PCDHGA11: variants seen among roughly 807,000 people sequenced by gnomAD.
PCDHGA11 encodes the protein protocadherin gamma-A11.
Under a neutral mutation model 60.4 loss-of-function variants are expected in PCDHGA11, and 39 were observed. The observed-to-expected ratio is 0.65, with a 90% CI of 0.50 to 0.84. The LOEUF is 0.84. PCDHGA11 is among the 40% of genes least tolerant of loss of function. The pLI is 0.00. For missense variants in PCDHGA11, 1,165 were observed against 1,197.7 expected, an observed-to-expected ratio of 0.97 and a Z score of 0.40; for synonymous variants, 533 against 510.3, an observed-to-expected ratio of 1.04 and a Z score of -0.60.
intron 2 of PCDHGA11, among the ~76,000 whole-genome samples, chr5:141,504,793 C>A (rs1256626821): frequency 9.9e-5 from 15 of 152,166 alleles, no homozygotes; most frequent in Admixed American, 3.9e-4. Context: ...GGGCCTCCTA[C>A]ATCTCCCCCT....
chr5:141,507,202 C>G (rs2099859138), intron 3 of PCDHGA11: 1 of 152,356 alleles, frequency 6.6e-6, no homozygotes, highest in Non-Finnish European at 1.5e-5. Flanking sequence ...TCTTCCAGAT[C>G]AGGGTTGCCA....
chr5:141,501,508 C>A (rs1378333182), intron 2 of PCDHGA11, among the ~76,000 whole-genome samples: 1 of 151,960 alleles, frequency 6.6e-6, no homozygotes, highest in Non-Finnish European at 1.5e-5. Flanking sequence ...GGCTCCAAGG[C>A]CTCCAAGCTG....
In PCDHGA11 at chr5:141,454,796, A is replaced by ATTTTTT. The variant is rs61612330; in HGVS notation, c.2433+31160_2433+31165dup. Among the ~76,000 whole-genome samples the ATTTTTT allele has an allele frequency of 4.9e-3, 381 of 77,456 alleles. 41 individuals carry two copies. The highest frequency in any genetic ancestry group is 0.011 in the African/African-American group (178 of 16,882). 50.8% of individuals were successfully genotyped at this position (77,456 alleles called of 152,430 possible). ...AAGGAAATAATCCTCCATGGTTCTA[A>ATTTTTT]TTTTTTTTTTTTTTTTTTTTTTTTT... On this transcript the variant is annotated intron_variant, in intron 1 of 3. Coordinates refer to ENST00000398587, the MANE Select transcript of PCDHGA11 (RefSeq NM_018914.3).
Position 141,511,390 on chromosome 5 carries a change from C to T in PCDHGA11, c.*217C>T, listed in dbSNP as rs2099883760. 1.8e-6 allele frequency: 2 copies of T among 1,101,460 alleles called. No individual in the cohort carries two copies. Among genetic ancestry groups the T allele is most frequent in the Admixed American group, 2.9e-5 (1 of 34,440 alleles). The allele number at this position is 1,101,460 out of a possible 1,614,324, so 68.2% of individuals were successfully genotyped here. A position where few individuals can be genotyped will look rare whatever the true frequency, so the allele number is the denominator to read the frequency against. On this transcript the variant is annotated 3_prime_UTR_variant, in exon 4 of 4. Transcript: ENST00000398587. ...ATGCAAAAGCAGTTCCGCTGGGAAC[C>T]CCCATCCAATCAACTGCTGTACCCA... is the stretch of plus-strand genomic sequence containing the variant.
intron 2 of PCDHGA11, among the ~76,000 whole-genome samples, chr5:141,496,538 T>G (rs568286018): frequency 1.5e-4 from 23 of 152,266 alleles, no homozygotes; most frequent in African/African-American, 5.5e-4. Flanking sequence ...TGGCAGAGAT[T>G]CCAGCTTCTG....
In PCDHGA11 at chr5:141,489,633, T is replaced by C. The variant is rs1298084961; in HGVS notation, c.2434-5174T>C. On this transcript the variant is annotated intron_variant, in intron 1 of 3. Coordinates refer to ENST00000398587, the MANE Select transcript of PCDHGA11 (RefSeq NM_018914.3). The surrounding 1 kb of genome is among the most constrained non-coding windows in gnomAD (Gnocchi z 4.5). ...TCCTGGATCTCAATGACAACTCTCC[T>C]AGCTTTGCCACCCCTGAGCGAGAGA... The C allele has an allele frequency of 6.2e-7, 1 of 1,614,160 alleles. No individual in the cohort carries two copies. Among genetic ancestry groups the C allele is most frequent in the South Asian group, 1.1e-5 (1 of 91,086 alleles).
chr5:141,428,304 G>C, intron 1 of PCDHGA11: 1 of 695,706 alleles, frequency 1.4e-6, no homozygotes, highest in South Asian at 1.6e-5. Flanking sequence ...AGATTTACCT[G>C]GTCGTGGCCT....
In PCDHGA11 at chr5:141,490,959, C is replaced by T. The variant is rs1385897960; in HGVS notation, c.2434-3848C>T. ...TGCACCCACGGCCAGACTGGGAACA[C>T]TCAGCCCCCCAGCGTCTCCCTCGCT... On this transcript the variant is annotated intron_variant, in intron 1 of 3. Transcript: ENST00000398587. The surrounding 1 kb of genome is among the most constrained non-coding windows in gnomAD (Gnocchi z 5.4). 6.2e-7 allele frequency: 1 copy of T among 1,613,844 alleles called. No individual in the cohort carries two copies. Among genetic ancestry groups the T allele is most frequent in the South Asian group, 1.1e-5 (1 of 91,038 alleles).
intron 1 of PCDHGA11, chr5:141,426,750 G>A (rs1287163824): frequency 2.2e-6 from 1 of 456,160 alleles, no homozygotes; most frequent in Non-Finnish European, 4.4e-6. Context: ...CCTGGAATCT[G>A]CTATAGATGC....
chr5:141,481,030 C>A (rs1277171839), intron 1 of PCDHGA11, among the ~76,000 whole-genome samples: 1 of 152,024 alleles, frequency 6.6e-6, no homozygotes, highest in African/African-American at 2.4e-5. Context: ...TGCACTCCAG[C>A]CTGGGCGACA....
At chr5:141,503,836 A>G (rs1260399957) in intron 2 of PCDHGA11, among the ~76,000 whole-genome samples, 4 of 152,142 alleles carry the variant, frequency 2.6e-5, no homozygotes, top group Admixed American at 6.5e-5. Flanking sequence ...AAAAGCAGGG[A>G]CAGACCTTGG....
At chr5:141,459,215 G>C (rs2098963353) in intron 1 of PCDHGA11, among the ~76,000 whole-genome samples, 1 of 152,112 alleles carries the variant, frequency 6.6e-6, no homozygotes, top group South Asian at 2.1e-4. Flanking sequence ...TACTTCTCCA[G>C]CTCCAGGCAA....
chr5:141,490,180 C>T lies in PCDHGA11; in HGVS notation c.2434-4627C>T, dbSNP rs747366205. On this transcript the variant is annotated intron_variant, in intron 1 of 3. Coordinates refer to ENST00000398587, the MANE Select transcript of PCDHGA11 (RefSeq NM_018914.3). This position sits in a 1 kb window ranked among gnomAD's most constrained non-coding sequence, Gnocchi z 5.4. ...GGGTCCCATAGACTTTGAGGAGTCACGTTTCTATGAAATTCATGCAAGAGC... is the reference window on the plus strand; with the variant it reads ...GGGTCCCATAGACTTTGAGGAGTCATGTTTCTATGAAATTCATGCAAGAGC... 3 of 1,614,208 alleles carry T rather than the reference C, an allele frequency of 1.9e-6. No individual in the cohort carries two copies. Among genetic ancestry groups the T allele is most frequent in the East Asian group, 2.2e-5 (1 of 44,882 alleles).
chr5:141,500,680 T>C (rs999167635), intron 2 of PCDHGA11, among the ~76,000 whole-genome samples: 7 of 152,224 alleles, frequency 4.6e-5, no homozygotes, highest in Non-Finnish European at 7.3e-5. Context: ...AACAGAATTA[T>C]AGCTTTTTTC....
intron 1 of PCDHGA11, among the ~76,000 whole-genome samples, chr5:141,456,714 C>T (rs1456452530): frequency 6.6e-6 from 1 of 152,176 alleles, no homozygotes; most frequent in Non-Finnish European, 1.5e-5. Flanking sequence ...CCTGTAATCC[C>T]AGCACTTTGG....
intron 1 of PCDHGA11, among the ~76,000 whole-genome samples, chr5:141,472,677 C>T (rs1275941416): frequency 6.6e-6 from 1 of 151,658 alleles, no homozygotes; most frequent in Non-Finnish European, 1.5e-5. Context: ...ACTGGTCCTT[C>T]CATTTCCCCT....
chr5:141,456,157 A>G (rs1307977690), intron 1 of PCDHGA11, among the ~76,000 whole-genome samples: 3 of 152,052 alleles, frequency 2.0e-5, no homozygotes, highest in Admixed American at 1.3e-4. Context: ...TCGGCCTCCT[A>G]AAGTGCTGGG....
Position 141,490,683 on chromosome 5 carries a change from A to C in PCDHGA11, c.2434-4124A>C, listed in dbSNP as rs766019662. 6 of 1,614,088 alleles carry C rather than the reference A, an allele frequency of 3.7e-6. No homozygotes were observed. The highest frequency in any genetic ancestry group is 5.1e-6 in the Non-Finnish European group (6 of 1,180,034). On this transcript the variant is annotated intron_variant, in intron 1 of 3. Transcript: ENST00000398587. The surrounding 1 kb of genome is among the most constrained non-coding windows in gnomAD (Gnocchi z 5.4). ...TTTGCACTGTGGCTGCCTCAGATCCAGACACTGGGGATAATGCCCGCCTCA... is the reference window on the plus strand; with the variant it reads ...TTTGCACTGTGGCTGCCTCAGATCCCGACACTGGGGATAATGCCCGCCTCA...
In PCDHGA11 at chr5:141,486,047, C is replaced by T. The variant is rs763394605; in HGVS notation, c.2434-8760C>T. Reference sequence around the variant, plus strand: ...TCATACCCCTGATCGTGTAAGAAACCTCTTTAGCCTGCACCCCACTACTGG... The same window carrying T: ...TCATACCCCTGATCGTGTAAGAAACTTCTTTAGCCTGCACCCCACTACTGG... On this transcript the variant is annotated intron_variant, in intron 1 of 3. Transcript: ENST00000398587. The surrounding 1 kb of genome is among the most constrained non-coding windows in gnomAD (Gnocchi z 5.0). 2.5e-6 allele frequency: 4 copies of T among 1,614,054 alleles called. No individual in the cohort carries two copies. The African/African-American group carries it at 5.3e-5, about 22-fold the overall frequency.
Sources: gnomAD v4.1 joint callset for allele counts (sites outside exome capture counted in the v4.1 genomes callset) on GRCh38, gnomAD v4.1.1 for gene constraint, Gnocchi (gnomAD v3.1) non-coding constraint, MANE v1.5 for transcripts, NCBI Gene and HGNC (gene_info 2026-07-23, HGNC 2026-07-21) for gene names.